NCOR2: variants seen among roughly 807,000 people sequenced by gnomAD.
The protein encoded by NCOR2 is nuclear receptor corepressor 2, also known as CTG repeat protein 26.
In NCOR2, 81 loss-of-function variants were observed where a neutral mutation model predicts 262.9. That is an observed-to-expected ratio of 0.31 (90% CI 0.26 to 0.37). The LOEUF (loss-of-function observed/expected upper bound fraction) is 0.37. NCOR2 is among the 10% of genes least tolerant of loss of function. NCOR2 has a pLI of 1.00. For synonymous variants in NCOR2, 1,659 were observed against 1,559.3 expected, an observed-to-expected ratio of 1.06 and a Z score of -1.51; for missense variants, 3,385 against 3,621.4, an observed-to-expected ratio of 0.93 and a Z score of 1.68.
chr12:124,389,035 G>A lies in NCOR2; in HGVS notation c.1877-3148C>T, dbSNP rs1051479657. Among the ~76,000 whole-genome samples, 4 of 152,324 alleles carry A rather than the reference G, an allele frequency of 2.6e-5. No individual in the cohort carries two copies. Among genetic ancestry groups the A allele is most frequent in the East Asian group, 1.9e-4 (1 of 5,176 alleles). The stretch of plus-strand genomic sequence containing the variant: ...CCACCTCTGACGCCGTCCCCAAGCC[G>A]CTGTGGGCGCGCGAGGTGCCCTTCC... On this transcript the variant is annotated intron_variant, in intron 16 of 46. Coordinates refer to ENST00000405201, the Ensembl canonical transcript of NCOR2. This position sits in a 1 kb window ranked among gnomAD's most constrained non-coding sequence, Gnocchi z 4.4.
chr12:124,415,384 T>G (rs1388999739), intron 13 of NCOR2, among the ~76,000 whole-genome samples: 1 of 152,234 alleles, frequency 6.6e-6, no homozygotes, highest in Non-Finnish European at 1.5e-5. Flanking sequence ...GCATCTCCAC[T>G]TAACAAGACA....
rs1001933048 is a variant in NCOR2, at chr12:124,344,623, C to T, written c.4688G>A (p.Arg1563Gln). ...CTCCTGCAGGCGCGGCGTGGGCTCC[C>T]GCGTGGTCACGGGCGAACCTCGTGG... is the stretch of plus-strand genomic sequence containing the variant. Residue 1563 changes from arginine (R) to glutamine (Q), a missense_variant, in exon 32 of 47, where the codon CGG (arginine) becomes CAG (glutamine). Around this residue, in one of 5 missense-constraint regions of NCOR2, gnomAD observed 1,615 missense variants for 1,626.9 expected, o/e 0.99. Coordinates refer to ENST00000405201, the Ensembl canonical transcript of NCOR2. The T allele has an allele frequency of 2.8e-5, 41 of 1,463,482 alleles. No homozygotes were observed. The highest frequency in any genetic ancestry group is 3.5e-5 in the Non-Finnish European group (38 of 1,100,904). The allele number at this position is 1,463,482 out of a possible 1,614,324, so 90.7% of individuals were successfully genotyped here.
At chr12:124,409,983 T>A (rs537763004) in intron 13 of NCOR2, among the ~76,000 whole-genome samples, 1 of 151,794 alleles carries the variant, frequency 6.6e-6, no homozygotes, top group Non-Finnish European at 1.5e-5. Context: ...CGGGGTGACC[T>A]TGTTTGTCTT....
At chr12:124,505,104 G>A (rs2048972555) in intron 1 of NCOR2, among the ~76,000 whole-genome samples, 4 of 152,078 alleles carry the variant, frequency 2.6e-5, no homozygotes, top group Non-Finnish European at 5.9e-5. Context: ...AGTGGGCAGA[G>A]GCTATCTACA....
intron 31 of NCOR2, among the ~76,000 whole-genome samples, chr12:124,346,280 A>T (rs1448922399): frequency 6.6e-6 from 1 of 152,202 alleles, no homozygotes; most frequent in Admixed American, 6.5e-5. Context: ...CACTATGTTT[A>T]GTCCTGTGGC....
intron 1 of NCOR2, among the ~76,000 whole-genome samples, chr12:124,527,779 A>G (rs1345455790): frequency 6.6e-6 from 1 of 152,252 alleles, no homozygotes; most frequent in Non-Finnish European, 1.5e-5. Flanking sequence ...AAACCCTGTT[A>G]GGACTGCTGC....
chr12:124,353,367 G>A (rs544162028), intron 27 of NCOR2, among the ~76,000 whole-genome samples: 40 of 152,348 alleles, frequency 2.6e-4, no homozygotes, highest in African/African-American at 9.6e-4. Flanking sequence ...GCCTTTGAAA[G>A]CTCAGATTTT....
chr12:124,370,079 C>T (rs1338212456), intron 20 of NCOR2, among the ~76,000 whole-genome samples: 10 of 152,196 alleles, frequency 6.6e-5, no homozygotes, highest in East Asian at 1.9e-4. Context: ...CCAGCAGGAG[C>T]GGGGCGGGGA....
chr12:124,383,545 A>G, intron 17 of NCOR2: 1 of 549,966 alleles, frequency 1.8e-6, no homozygotes, highest in Non-Finnish European at 2.5e-6. Flanking sequence ...AAAAAAAAAA[A>G]AGAGGGGGCC....
rs1051740845 is a variant in NCOR2, at chr12:124,393,048, G to C, written c.1876+5071C>G. Among the ~76,000 whole-genome samples the C allele has an allele frequency of 2.6e-5, 4 of 152,338 alleles. No homozygotes were observed. In the South Asian group the frequency reaches 8.3e-4, roughly 32 times the overall value. On this transcript the variant is annotated intron_variant, in intron 16 of 46. Transcript: ENST00000405201. ...GTCTAGAATGGTGTGACAATGGTGT[G>C]ACCGGGAGCCTCCCAACCCCCTCCA...
rs1267816946 is a variant in NCOR2, at chr12:124,429,719, G to A, written c.1056-13C>T. The A allele has an allele frequency of 2.5e-6, 4 of 1,591,466 alleles. No homozygotes were observed. The highest frequency in any genetic ancestry group is 3.4e-6 in the Non-Finnish European group (4 of 1,168,914). On this transcript the variant is annotated splice_polypyrimidine_tract_variant and intron_variant, in intron 9 of 46. Coordinates refer to ENST00000405201, the Ensembl canonical transcript of NCOR2. Reference sequence around the variant, plus strand: ...CTGGCCCACCCTGCTGGGGACCAAGGGGACACACTCAGGACCGGTCTTCTG... The same window carrying A: ...CTGGCCCACCCTGCTGGGGACCAAGAGGACACACTCAGGACCGGTCTTCTG...
chr12:124,349,188 G>C (rs749329011), intron 28 of NCOR2, among the ~76,000 whole-genome samples: 2 of 152,178 alleles, frequency 1.3e-5, no homozygotes, highest in African/African-American at 2.4e-5. Flanking sequence ...ACTGCTCCCC[G>C]GACAGGCAGA....
At chr12:124,337,445 C>A in intron 37 of NCOR2, 2 of 662,660 alleles carry the variant, frequency 3.0e-6, no homozygotes, top group Admixed American at 2.1e-5. Context: ...ACTGTGAATA[C>A]AGCGGTCATA....
chr12:124,471,478 G>C (rs769247978), intron 4 of NCOR2, among the ~76,000 whole-genome samples: 1 of 152,238 alleles, frequency 6.6e-6, no homozygotes, highest in Non-Finnish European at 1.5e-5. Context: ...AGTTAACAGG[G>C]AGACAAGGAG....
intron 1 of NCOR2, among the ~76,000 whole-genome samples, chr12:124,544,637 C>A (rs1426302994): frequency 6.6e-6 from 1 of 152,206 alleles, no homozygotes; most frequent in African/African-American, 2.4e-5. Flanking sequence ...CCTCCACACC[C>A]GCCCGGGCCC....
Position 124,388,628 on chromosome 12 carries a change from C to T in NCOR2, c.1877-2741G>A, listed in dbSNP as rs936885826. 46 of 1,297,862 alleles carry T rather than the reference C, an allele frequency of 3.5e-5. No individual in the cohort carries two copies. In the African/African-American group the frequency reaches 4.6e-4, roughly 13 times the overall value. The allele number at this position is 1,297,862 out of a possible 1,614,324, so 80.4% of individuals were successfully genotyped here. On this transcript the variant is annotated intron_variant, in intron 16 of 46. Coordinates refer to ENST00000405201, the Ensembl canonical transcript of NCOR2. Reference sequence around the variant, plus strand: ...CCTCAAATCCCAGATGGCCACGTTGCGGTCCCTGTCCCTGCACCCGCAGTC... The same window carrying T: ...CCTCAAATCCCAGATGGCCACGTTGTGGTCCCTGTCCCTGCACCCGCAGTC...
rs1186182896 is a variant in NCOR2 at position 124,378,135 on chromosome 12, G to A, written c.2167+102C>T. On this transcript the variant is annotated intron_variant, in intron 18 of 46. Transcript: ENST00000405201. The surrounding 1 kb of genome is among the most constrained non-coding windows in gnomAD (Gnocchi z 4.2). ...GGCCCCTTCTAAGGAGGACCCAGAT[G>A]ACTCAGGGGAGAGGAGGCTGCCGGG... 2.0e-6 allele frequency: 3 copies of A among 1,520,190 alleles called. No homozygotes were observed. The African/African-American group carries it at 4.2e-5, about 21-fold the overall frequency. The allele number at this position is 1,520,190 out of a possible 1,614,324, so 94.2% of individuals were successfully genotyped here. A position where few individuals can be genotyped will look rare whatever the true frequency, so the allele number is the denominator to read the frequency against.
chr12:124,385,642 C>T (rs1217573489), intron 17 of NCOR2, 103 bp downstream of exon 19: 2 of 1,496,710 alleles, frequency 1.3e-6, no homozygotes, highest in Non-Finnish European at 1.8e-6. Context: ...ATAATAGCCC[C>T]TCCCTGGCCC....
At chr12:124,343,385 C>A (rs1275904355) in intron 32 of NCOR2, among the ~76,000 whole-genome samples, 159 bp from the exon 35 acceptor site, 1 of 152,164 alleles carries the variant, frequency 6.6e-6, no homozygotes, top group Admixed American at 6.5e-5. Flanking sequence ...GACTCATTTG[C>A]TTTTGTGTTA....
Sources: allele counts gnomAD v4.1 joint callset (sites outside exome capture counted in the v4.1 genomes callset), GRCh38; gene constraint gnomAD v4.1.1; regional missense constraint gnomAD v4.1.1; non-coding constraint Gnocchi (gnomAD v3.1); transcripts MANE v1.5; gene names NCBI Gene and HGNC (gene_info 2026-07-23, HGNC 2026-07-21).